Variants in DNAAF11 observed in about 807,000 individuals in gnomAD.
The protein encoded by DNAAF11 is dynein axonemal assembly factor 11.
DNAAF11 carries 45 observed loss-of-function variants against 60.8 expected under a neutral mutation model. The ratio of observed to expected loss-of-function variants is 0.74; its 90% confidence interval spans 0.58 to 0.95. The LOEUF (loss-of-function observed/expected upper bound fraction) is 0.95, where lower values mean the gene tolerates loss of function less well. Among genes scored for constraint, DNAAF11 ranks in the 40% least tolerant of loss-of-function variants. The pLI is 0.00. For synonymous variants in DNAAF11, 191 were observed against 183.5 expected (o/e 1.04, Z -0.33); for missense variants, 546 against 546.2 (o/e 1.00, Z 0.00).
At chr8:132,662,894 G>A (rs1013761948) in intron 1 of DNAAF11, among the ~76,000 whole-genome samples, 1 of 152,150 alleles carries the variant, frequency 6.6e-6, no homozygotes, top group Non-Finnish European at 1.5e-5. Flanking sequence ...AGTGGAATTT[G>A]CCTTTTTATT....
chr8:132,636,679 A>AT (rs1364547609), intron 4 of DNAAF11, among the ~76,000 whole-genome samples: 2 of 152,168 alleles, frequency 1.3e-5, no homozygotes, highest in African/African-American at 4.8e-5. Context: ...GGCTCACAGC[A>AT]TTACACTACA....
At chr8:132,621,085 G>A (rs1245912090) in intron 7 of DNAAF11, among the ~76,000 whole-genome samples, 4 of 152,146 alleles carry the variant, frequency 2.6e-5, no homozygotes, top group African/African-American at 7.2e-5. Context: ...AGATGACTGC[G>A]GGAAGAAGGA....
chr8:132,689,734 C>CAG, the DNAAF11 span, among the ~76,000 whole-genome samples: 1,083 of 151,176 alleles, frequency 7.2e-3, 17 homozygotes, highest in African/African-American at 0.024. Flanking sequence ...TATATATATA[C>CAG]AGAGAGAGAG....
intron 3 of DNAAF11, among the ~76,000 whole-genome samples, chr8:132,648,713 A>G (rs1213691651): frequency 6.6e-6 from 1 of 152,194 alleles, no homozygotes; most frequent in East Asian, 1.9e-4. Flanking sequence ...TTATACACCA[A>G]TAACAGACAA....
At chr8:132,697,560 G>A in the DNAAF11 span, among the ~76,000 whole-genome samples, 2 of 151,826 alleles carry the variant, frequency 1.3e-5, no homozygotes, top group Admixed American at 6.6e-5. Context: ...AGAGGTTGCA[G>A]TGAGCTGAGA....
intron 10 of DNAAF11, among the ~76,000 whole-genome samples, chr8:132,594,995 C>T (rs938236097): frequency 1.3e-5 from 2 of 152,120 alleles, no homozygotes; most frequent in Admixed American, 1.3e-4. Context: ...CCCTCACACA[C>T]TGTCCTGCTG....
At chr8:132,684,516 C>A in the DNAAF11 span, among the ~76,000 whole-genome samples, 5 of 152,178 alleles carry the variant, frequency 3.3e-5, no homozygotes, top group African/African-American at 1.2e-4. Flanking sequence ...AGCCCTCACC[C>A]CCCACACTAA....
chr8:132,588,999 T>G (rs1300155692), intron 10 of DNAAF11, among the ~76,000 whole-genome samples: 1 of 151,970 alleles, frequency 6.6e-6, no homozygotes, highest in Non-Finnish European at 1.5e-5. Context: ...GATCCAACCA[T>G]CTCCCACCAG....
chr8:132,651,581 G>C (rs552443413), intron 3 of DNAAF11, among the ~76,000 whole-genome samples: 1 of 152,164 alleles, frequency 6.6e-6, no homozygotes, highest in East Asian at 1.9e-4. Context: ...AAAGGCAGGA[G>C]GGGGGTTGGC....
chr8:132,601,830 G>A (rs919977477), intron 10 of DNAAF11, among the ~76,000 whole-genome samples: 1 of 152,088 alleles, frequency 6.6e-6, no homozygotes, highest in Admixed American at 6.6e-5. Context: ...TAGATGATGA[G>A]TTAATGGGTG....
At chr8:132,584,232 C>T (rs1015504507) in intron 10 of DNAAF11, among the ~76,000 whole-genome samples, 4 of 152,054 alleles carry the variant, frequency 2.6e-5, no homozygotes, top group Admixed American at 6.6e-5. Context: ...ATGAAGGAAT[C>T]GGTTTATGAT....
At chr8:132,640,517 T>A (rs1821749102) in intron 3 of DNAAF11, among the ~76,000 whole-genome samples, 1 of 152,202 alleles carries the variant, frequency 6.6e-6, no homozygotes, top group Non-Finnish European at 1.5e-5. Flanking sequence ...ACAGCTTCTC[T>A]GCCTTGTTTA....
At chr8:132,614,907 C>T in intron 8 of DNAAF11, 131 bp downstream of exon 8, 1 of 537,884 alleles carries the variant, frequency 1.9e-6, no homozygotes, top group Non-Finnish European at 3.3e-6. Flanking sequence ...ACTTCTCTGT[C>T]TTAACAAATA....
In DNAAF11 at chr8:132,602,694, T is replaced by C. The variant is rs1228000811; in HGVS notation, c.1140+7472A>G. ...CTGGGTTTCTACTGAATCCTACTCATGTCCCTGTGTGTATCTAGTTTATCT... is the reference window on the plus strand; with the variant it reads ...CTGGGTTTCTACTGAATCCTACTCACGTCCCTGTGTGTATCTAGTTTATCT... On this transcript the variant is annotated intron_variant, in intron 10 of 11. Transcript: ENST00000620350. 2.6e-5 allele frequency among the ~76,000 whole-genome samples: 4 copies of C among 151,688 alleles called. No individual in the cohort carries two copies. In the East Asian group the frequency reaches 7.7e-4, roughly 29 times the overall value.
At chr8:132,631,001 T>C (rs1820743920) in intron 5 of DNAAF11, among the ~76,000 whole-genome samples, 1 of 152,222 alleles carries the variant, frequency 6.6e-6, no homozygotes, top group South Asian at 2.1e-4. Flanking sequence ...GATGTCATAA[T>C]TGTAGCAATG....
chr8:132,626,487 T>C (rs1456020180), intron 5 of DNAAF11, among the ~76,000 whole-genome samples: 1 of 152,228 alleles, frequency 6.6e-6, no homozygotes, highest in Admixed American at 6.5e-5. Flanking sequence ...ACAACGTCTC[T>C]GTATGTCATC....
chr8:132,685,446 C>A, the DNAAF11 span, among the ~76,000 whole-genome samples: 1 of 152,124 alleles, frequency 6.6e-6, no homozygotes, highest in African/African-American at 2.4e-5. Flanking sequence ...ATTTTAATTG[C>A]TAATATATTC....
intron 4 of DNAAF11, among the ~76,000 whole-genome samples, chr8:132,636,833 G>C (rs1268446672): frequency 6.6e-6 from 1 of 152,136 alleles, no homozygotes; most frequent in Non-Finnish European, 1.5e-5. Flanking sequence ...CTCTTAATCT[G>C]AGAAATTTTA....
At chr8:132,697,853 GGAGAA>G in the DNAAF11 span, among the ~76,000 whole-genome samples, 18 of 152,150 alleles carry the variant, frequency 1.2e-4, no homozygotes, top group African/African-American at 4.3e-4. Flanking sequence ...AGGTTTTAGG[GGAGAA>G]GAGGGGATAA....
Sources: gnomAD v4.1 joint callset for allele counts (sites outside exome capture counted in the v4.1 genomes callset) on GRCh38, gnomAD v4.1.1 for gene constraint, MANE v1.5 for transcripts, NCBI Gene and HGNC (gene_info 2026-07-23, HGNC 2026-07-21) for gene names.